The following SUPT3H variants were observed in gnomAD, a reference collection of about 807,000 sequenced individuals.
SUPT3H encodes transcription initiation protein SPT3 homolog.
Under a neutral mutation model 44.3 loss-of-function variants are expected in SUPT3H, and 44 were observed. That is an observed-to-expected ratio of 0.99 (90% CI 0.78 to 1.28). The LOEUF (loss-of-function observed/expected upper bound fraction) is 1.28, where lower values mean the gene tolerates loss of function less well. Among genes scored for constraint, SUPT3H ranks in the 50% most tolerant of loss-of-function variants. The probability of loss-of-function intolerance (pLI) is 0.00; values close to 1 mark genes in which losing one functional copy is unlikely to be tolerated. For synonymous variants in SUPT3H, 124 were observed against 125.6 expected (o/e 0.99, Z 0.09); for missense variants, 380 against 387.1 (o/e 0.98, Z 0.15).
intron 6 of SUPT3H, among the ~76,000 whole-genome samples, chr6:44,978,849 T>C (rs1002060722): frequency 4.6e-5 from 7 of 152,156 alleles, no homozygotes; most frequent in Non-Finnish European, 7.4e-5. Context: ...CATGACCAGA[T>C]TGCCCAAACG....
At chr6:45,249,467 A>C (rs1771977913) in intron 2 of SUPT3H, among the ~76,000 whole-genome samples, 1 of 152,034 alleles carries the variant, frequency 6.6e-6, no homozygotes, top group African/African-American at 2.4e-5. Flanking sequence ...AAAAAAGGGA[A>C]AGGAAGACAG....
At chr6:44,814,969 G>A (rs1047647152) in intron 11 of SUPT3H, among the ~76,000 whole-genome samples, 4 of 151,928 alleles carry the variant, frequency 2.6e-5, no homozygotes, top group African/African-American at 4.8e-5. Context: ...GAGCCACCAC[G>A]CCCGGCCTCA....
At chr6:44,867,961 T>C (rs28734913) in intron 10 of SUPT3H, among the ~76,000 whole-genome samples, 5 of 100,686 alleles carry the variant, frequency 5.0e-5, no homozygotes, top group African/African-American at 1.5e-4. Context: ...TCAACCATTT[T>C]GGTATTTTTT....
chr6:45,239,164 C>T (rs1477197334), intron 2 of SUPT3H, among the ~76,000 whole-genome samples: 1 of 152,050 alleles, frequency 6.6e-6, no homozygotes, highest in Non-Finnish European at 1.5e-5. Flanking sequence ...TTATTCTACA[C>T]AATTAATTGA....
At chr6:44,869,381 G>T (rs1448156580) in intron 10 of SUPT3H, among the ~76,000 whole-genome samples, 2 of 152,132 alleles carry the variant, frequency 1.3e-5, no homozygotes, top group Non-Finnish European at 2.9e-5. Flanking sequence ...AATGCTGGGT[G>T]ACTCACTGAG....
chr6:45,147,685 G>A (rs1806302588), intron 2 of SUPT3H, among the ~76,000 whole-genome samples: 1 of 151,952 alleles, frequency 6.6e-6, no homozygotes, highest in African/African-American at 2.4e-5. Flanking sequence ...GGGAGGTGAG[G>A]AGAAAATTCT....
At chr6:45,046,768 C>T (rs551136402) in intron 3 of SUPT3H, among the ~76,000 whole-genome samples, 4 of 152,324 alleles carry the variant, frequency 2.6e-5, no homozygotes, top group Admixed American at 2.0e-4. Context: ...TAGAAAACAG[C>T]CTGCTGGCCT....
intron 1 of SUPT3H, among the ~76,000 whole-genome samples, chr6:45,376,906 T>C (rs1796864893): frequency 1.3e-5 from 2 of 152,206 alleles, no homozygotes; most frequent in Admixed American, 6.5e-5. Flanking sequence ...TATATACATA[T>C]ATATACACAC....
At chr6:45,307,017 A>G (rs1181008617) in intron 2 of SUPT3H, among the ~76,000 whole-genome samples, 1 of 152,180 alleles carries the variant, frequency 6.6e-6, no homozygotes, top group East Asian at 1.9e-4. Context: ...AGCCTCACTC[A>G]TTGCTAGCAC....
chr6:45,251,643 G>A (rs1772392235), intron 2 of SUPT3H, among the ~76,000 whole-genome samples: 1 of 152,120 alleles, frequency 6.6e-6, no homozygotes, highest in African/African-American at 2.4e-5. Context: ...GTATTTTCAA[G>A]TAGAAAAAGA....
rs979890774 is a variant in SUPT3H at position 44,827,518 on chromosome 6, G to T, written c.*2298C>A. Among the ~76,000 whole-genome samples, 3 of 152,004 alleles carry T rather than the reference G, an allele frequency of 2.0e-5. No individual in the cohort carries two copies. Among genetic ancestry groups the T allele is most frequent in the Admixed American group, 2.0e-4 (3 of 15,258 alleles). On this transcript the variant is annotated 3_prime_UTR_variant, in exon 11 of 11. Coordinates refer to ENST00000371459, the MANE Select transcript of SUPT3H (RefSeq NM_003599.4). ...TCTCTAGGCCATGGTTTTTTCATTT[G>T]CAAGATGAGCAGCTGTTCTTAATGA...
downstream of SUPT3H, among the ~76,000 whole-genome samples, chr6:44,826,364 A>AAAAT (rs1767753417): frequency 6.6e-6 from 1 of 152,216 alleles, no homozygotes; most frequent in African/African-American, 2.4e-5. Flanking sequence ...TAAGAAGGTA[A>AAAAT]AAATAAGAAA....
At chr6:45,136,299 G>A (rs1308193845) in intron 2 of SUPT3H, among the ~76,000 whole-genome samples, 1 of 152,120 alleles carries the variant, frequency 6.6e-6, no homozygotes, top group Non-Finnish European at 1.5e-5. Flanking sequence ...GACAGACTTA[G>A]TCTAGACAAT....
intron 10 of SUPT3H, among the ~76,000 whole-genome samples, chr6:44,859,969 A>C (rs1472566088): frequency 6.6e-6 from 1 of 152,344 alleles, no homozygotes; most frequent in Non-Finnish European, 1.5e-5. Context: ...TTGGGGAATC[A>C]AACACAGAAT....
At chr6:45,280,411 C>G (rs546832302) in intron 2 of SUPT3H, among the ~76,000 whole-genome samples, 25 of 152,136 alleles carry the variant, frequency 1.6e-4, no homozygotes, top group South Asian at 1.0e-3. Flanking sequence ...GGGGCTGACA[C>G]AGGAGAACTA....
In SUPT3H at chr6:44,829,554, A is replaced by G. The variant is rs908207428; in HGVS notation, c.*262T>C. The G allele has an allele frequency of 5.6e-6, 2 of 355,530 alleles. No individual in the cohort carries two copies. The highest frequency in any genetic ancestry group is 1.0e-5 in the Non-Finnish European group (2 of 196,770). 22.0% of individuals were successfully genotyped at this position (355,530 alleles called of 1,614,324 possible). Reference sequence around the variant, plus strand: ...TAAATCTACTCAAATTAAAATTTCAAAACTGTGTGATCTGCATTCTTGTCC... The same window carrying G: ...TAAATCTACTCAAATTAAAATTTCAGAACTGTGTGATCTGCATTCTTGTCC... On this transcript the variant is annotated 3_prime_UTR_variant, in exon 11 of 11. Coordinates refer to ENST00000371459, the MANE Select transcript of SUPT3H (RefSeq NM_003599.4).
chr6:45,235,937 G>A (rs543560532), intron 2 of SUPT3H, among the ~76,000 whole-genome samples: 2 of 152,278 alleles, frequency 1.3e-5, no homozygotes, highest in East Asian at 3.9e-4. Flanking sequence ...AATGGCATGA[G>A]CGATCTGTGC....
chr6:45,159,919 A>C (rs1240516043), intron 2 of SUPT3H, among the ~76,000 whole-genome samples: 1 of 152,200 alleles, frequency 6.6e-6, no homozygotes, highest in Non-Finnish European at 1.5e-5. Context: ...ACCTACATAT[A>C]CCCAAATAAC....
rs1799230163 is a variant in SUPT3H, at chr6:45,106,084, G to C, written c.102-78C>G. The stretch of plus-strand genomic sequence containing the variant: ...GCAAAAAGTGAAACATTTATTACAT[G>C]AATCAGTTTAGTAAGGAGAACATAA... On this transcript the variant is annotated intron_variant, in intron 2 of 10. Transcript: ENST00000371459. 10 of 1,173,364 alleles carry C rather than the reference G, an allele frequency of 8.5e-6. No individual in the cohort carries two copies. In the South Asian group the frequency reaches 1.0e-4, roughly 12 times the overall value. 72.7% of individuals were successfully genotyped at this position (1,173,364 alleles called of 1,614,324 possible). A position where few individuals can be genotyped will look rare whatever the true frequency, so the allele number is the denominator to read the frequency against.
Sources: allele counts gnomAD v4.1 joint callset (sites outside exome capture counted in the v4.1 genomes callset), GRCh38; gene constraint gnomAD v4.1.1; transcripts MANE v1.5; gene names NCBI Gene and HGNC (gene_info 2026-07-23, HGNC 2026-07-21).